Variants in TAOK1 observed in about 807,000 individuals in gnomAD.
The protein encoded by TAOK1 is serine/threonine-protein kinase TAO1.
Under a neutral mutation model 138.3 loss-of-function variants are expected in TAOK1, and 21 were observed. The observed-to-expected ratio is 0.15, with a 90% CI of 0.11 to 0.22. TAOK1 has a LOEUF of 0.22. Ranked by LOEUF, TAOK1 falls within the 10% of genes least tolerant of loss-of-function variation. The probability of loss-of-function intolerance (pLI) is 1.00; values close to 1 mark genes in which losing one functional copy is unlikely to be tolerated. For missense variants in TAOK1, 651 were observed against 1,227.7 expected (o/e 0.53, Z 7.02); for synonymous variants, 361 against 398.4 (o/e 0.91, Z 1.12).
At chr17:29,474,849 GTT>G (rs201960250) in intron 3 of TAOK1, among the ~76,000 whole-genome samples, 3 of 79,842 alleles carry the variant, frequency 3.8e-5, no homozygotes, top group African/African-American at 2.4e-4. Context: ...CCTTCAATTT[GTT>G]TTAAAAAAAA....
chr17:29,432,022 G>A (rs549120215), intron 1 of TAOK1, among the ~76,000 whole-genome samples: 1 of 152,124 alleles, frequency 6.6e-6, no homozygotes, highest in South Asian at 2.1e-4. Context: ...CTCCGTGTGC[G>A]GAGACCAGCT....
intron 19 of TAOK1, among the ~76,000 whole-genome samples, chr17:29,535,870 AT>A (rs1251206144): frequency 3.9e-5 from 6 of 152,026 alleles, no homozygotes; most frequent in East Asian, 1.9e-4. Flanking sequence ...AACAAAAAAA[AT>A]CTTTAAAAAA....
rs147768509 is a variant in TAOK1 at position 29,430,287 on chromosome 17, C to G, written c.-94-21168C>G. On this transcript the variant is annotated intron_variant, in intron 1 of 19. Transcript: ENST00000261716. The stretch of plus-strand genomic sequence containing the variant: ...GTAGAATCTTCTTGGGTTCAAATAC[C>G]CCCTAGAAGTTTCCCATTGGCCACT... 5.3e-3 allele frequency among the ~76,000 whole-genome samples: 799 copies of G among 152,118 alleles called. 7 individuals are homozygous for G. Among genetic ancestry groups the G allele is most frequent in the African/African-American group, 0.018 (757 of 41,498 alleles).
chr17:29,471,782 AT>A (rs896712327), intron 3 of TAOK1, among the ~76,000 whole-genome samples: 37 of 152,306 alleles, frequency 2.4e-4, no homozygotes, highest in South Asian at 1.7e-3. Context: ...TTCACAAAAG[AT>A]TTCTCTGTAG....
chr17:29,530,499 T>G lies in TAOK1; in HGVS notation c.2241T>G (p.Thr747=). ...CATTAAGAAATCACCTGCTGGAGACTACACCAAAGAGTGAGCACAAAGCTG... is the reference window on the plus strand; with the variant it reads ...CATTAAGAAATCACCTGCTGGAGACGACACCAAAGAGTGAGCACAAAGCTG... ...YKALRNHLLE[T]TPKSEHKAVL... is the part of the protein sequence containing the mutation. Residue 747 remains threonine, a synonymous_variant, in exon 18 of 20, where the codon ACT becomes ACG. Coordinates refer to ENST00000261716, the MANE Select transcript of TAOK1 (RefSeq NM_020791.4). The G allele has an allele frequency of 9.3e-6, 15 of 1,614,154 alleles. No individual in the cohort carries two copies. Among genetic ancestry groups the G allele is most frequent in the Non-Finnish European group, 1.1e-5 (13 of 1,180,032 alleles).
chr17:29,451,953 C>T (rs186437026), intron 2 of TAOK1, among the ~76,000 whole-genome samples: 38 of 152,200 alleles, frequency 2.5e-4, no homozygotes, highest in Admixed American at 3.9e-4. Flanking sequence ...TGGTGGCTCA[C>T]GCCTGTAATC....
At chr17:29,410,560 A>G (rs780851035) in intron 1 of TAOK1, among the ~76,000 whole-genome samples, 2 of 149,978 alleles carry the variant, frequency 1.3e-5, no homozygotes, top group African/African-American at 2.5e-5. Context: ...GCCTATATGT[A>G]TAGATCTTAG....
At chr17:29,398,042 G>GT (rs964662662) in intron 1 of TAOK1, among the ~76,000 whole-genome samples, 2 of 151,840 alleles carry the variant, frequency 1.3e-5, no homozygotes, top group African/African-American at 4.8e-5. Context: ...TTATTTTAAA[G>GT]TTTTTTTCGA....
At chr17:29,520,264 C>T (rs1247913525) in intron 16 of TAOK1, among the ~76,000 whole-genome samples, 6 of 151,680 alleles carry the variant, frequency 4.0e-5, no homozygotes, top group African/African-American at 1.5e-4. Flanking sequence ...TAAGGCGTCA[C>T]AAAGCAGTAG....
In TAOK1 at chr17:29,397,748, T is replaced by TAC. The variant is rs1170019437; in HGVS notation, c.-95+6727_-95+6728dup. The stretch of plus-strand genomic sequence containing the variant: ...GTATATACATATATACACGTATATA[T>TAC]ACACGTATGTATATATGTATACATG... On this transcript the variant is annotated intron_variant, in intron 1 of 19. Transcript: ENST00000261716. 4.4e-4 allele frequency among the ~76,000 whole-genome samples: 56 copies of TAC among 126,666 alleles called. No homozygotes were observed. The South Asian group carries it at 8.5e-3, about 19-fold the overall frequency. The allele number at this position is 126,666 out of a possible 152,430, so 83.1% of individuals were successfully genotyped here.
intron 18 of TAOK1, among the ~76,000 whole-genome samples, chr17:29,533,259 C>T (rs1303690165): frequency 5.4e-5 from 8 of 147,524 alleles, no homozygotes; most frequent in South Asian, 2.2e-4. Flanking sequence ...CGGGCAGAGA[C>T]GCTCCTCACT....
At chr17:29,518,434 A>T (rs2031856761) in intron 16 of TAOK1, among the ~76,000 whole-genome samples, 1 of 152,234 alleles carries the variant, frequency 6.6e-6, no homozygotes, top group East Asian at 1.9e-4. Context: ...GCAGTGAGCC[A>T]TGATCATGCC....
chr17:29,470,562 T>A (rs915848249), intron 3 of TAOK1, among the ~76,000 whole-genome samples: 2 of 152,110 alleles, frequency 1.3e-5, no homozygotes, highest in African/African-American at 4.8e-5. Context: ...GTTGGACTTT[T>A]GAAGAAAAAT....
At chr17:29,535,354 G>T (rs1161467640) in intron 19 of TAOK1, among the ~76,000 whole-genome samples, 1 of 151,832 alleles carries the variant, frequency 6.6e-6, no homozygotes, top group Non-Finnish European at 1.5e-5. Flanking sequence ...ATTATCAATT[G>T]TATCCAGGAT....
chr17:29,420,481 T>G (rs887197599), intron 1 of TAOK1, among the ~76,000 whole-genome samples: 24 of 151,600 alleles, frequency 1.6e-4, no homozygotes, highest in Non-Finnish European at 2.7e-4. Context: ...TCTGAATGCC[T>G]TTTTTTTTCT....
chr17:29,438,760 T>C (rs977159538), intron 1 of TAOK1, among the ~76,000 whole-genome samples: 1 of 152,214 alleles, frequency 6.6e-6, no homozygotes, highest in African/African-American at 2.4e-5. Context: ...TCTTTCTAAT[T>C]ACTGTCTAAC....
At chr17:29,486,969 C>T (rs2031185005) in intron 8 of TAOK1, among the ~76,000 whole-genome samples, 1 of 151,776 alleles carries the variant, frequency 6.6e-6, no homozygotes, top group Non-Finnish European at 1.5e-5. Context: ...ATATTAAGGG[C>T]CAGTTGCTGT....
chr17:29,489,739 C>T lies in TAOK1; in HGVS notation c.731C>T (p.Thr244Ile), dbSNP rs762098763. The T allele has an allele frequency of 2.5e-6, 4 of 1,607,068 alleles. No homozygotes were observed. The highest frequency in any genetic ancestry group is 1.3e-5 in the African/African-American group (1 of 74,654). Residue 244 changes from threonine to isoleucine, a missense_variant, in exon 9 of 20, where the codon ACA becomes ATA. Around this residue, in one of 8 missense-constraint regions of TAOK1, gnomAD observed 20 missense variants for 88.6 expected, o/e 0.23. Coordinates refer to ENST00000261716, the MANE Select transcript of TAOK1 (RefSeq NM_020791.4). Reference sequence around the variant, plus strand: ...CACATAGCCCAAAATGAATCCCCTACACTACAGTCTAATGAATGGTGAGTA... The same window carrying T: ...CACATAGCCCAAAATGAATCCCCTATACTACAGTCTAATGAATGGTGAGTA... ...LYHIAQNESP[T>I]LQSNEWSDYF... is the part of the protein sequence containing the mutation.
At chr17:29,491,042 C>T (rs746451789) in intron 9 of TAOK1, among the ~76,000 whole-genome samples, 8 of 152,072 alleles carry the variant, frequency 5.3e-5, no homozygotes, top group Non-Finnish European at 1.2e-4. Context: ...ACATTGAAAC[C>T]ATAGTTGATA....
Sources: gnomAD v4.1 joint callset for allele counts (sites outside exome capture counted in the v4.1 genomes callset) on GRCh38, gnomAD v4.1.1 for gene constraint, gnomAD v4.1.1 regional missense constraint, MANE v1.5 for transcripts, NCBI Gene and HGNC (gene_info 2026-07-23, HGNC 2026-07-21) for gene names.